The following PCDH15 variants were observed in gnomAD, a reference collection of about 807,000 sequenced individuals.
The protein encoded by PCDH15 is protocadherin-15.
A neutral mutation model predicts 178.5 loss-of-function variants in PCDH15; 129 were observed. The ratio of observed to expected loss-of-function variants is 0.72; its 90% confidence interval spans 0.63 to 0.84. The LOEUF (loss-of-function observed/expected upper bound fraction) is 0.84, where lower values mean the gene tolerates loss of function less well. Ranked by LOEUF, PCDH15 falls within the 40% of genes least tolerant of loss-of-function variation. PCDH15 has a pLI of 0.00. For synonymous variants in PCDH15, 800 were observed against 732.0 expected, an observed-to-expected ratio of 1.09 and a Z score of -1.50; for missense variants, 2,230 against 2,099.9, an observed-to-expected ratio of 1.06 and a Z score of -1.21.
At chr10:55,379,121 T>TATATATATATATATATATATATATATCA (rs953825079) in intron 2 of PCDH15, among the ~76,000 whole-genome samples, 3 of 151,540 alleles carry the variant, frequency 2.0e-5, no homozygotes, top group African/African-American at 7.3e-5. Flanking sequence ...TATATATATA[T>TATATATATATATATATATATATATATCA]ATGTATGTAT....
chr10:54,817,317 AAT>A (rs1340766646), intron 3 of PCDH15, among the ~76,000 whole-genome samples: 7 of 151,984 alleles, frequency 4.6e-5, no homozygotes, highest in Admixed American at 1.3e-4. Context: ...CTTAAAAATA[AAT>A]ATATGTTATT....
At chr10:54,059,827 C>T (rs2093977578) in intron 18 of PCDH15, among the ~76,000 whole-genome samples, 1 of 152,174 alleles carries the variant, frequency 6.6e-6, no homozygotes, top group African/African-American at 2.4e-5. Context: ...TAAGACCAAA[C>T]ATTTGAAAGT....
intron 2 of PCDH15, among the ~76,000 whole-genome samples, chr10:54,957,922 T>A (rs923607846): frequency 2.0e-5 from 3 of 151,618 alleles, no homozygotes; most frequent in Admixed American, 6.6e-5. Context: ...GACATAAATT[T>A]ACGAAAGCAA....
At chr10:55,463,547 C>T (rs1485369538) in intron 2 of PCDH15, among the ~76,000 whole-genome samples, 1 of 151,874 alleles carries the variant, frequency 6.6e-6, no homozygotes, top group Non-Finnish European at 1.5e-5. Flanking sequence ...TAAGAGATTA[C>T]AGAGAAAGGC....
intron 15 of PCDH15, among the ~76,000 whole-genome samples, chr10:54,129,410 A>AT (rs2133009117): frequency 6.6e-6 from 1 of 152,344 alleles, no homozygotes; most frequent in East Asian, 1.9e-4. Context: ...TTGTTATTAG[A>AT]AAAACATTTC....
chr10:55,154,037 T>C (rs1838810875), intron 2 of PCDH15, among the ~76,000 whole-genome samples: 1 of 152,178 alleles, frequency 6.6e-6, no homozygotes, highest in South Asian at 2.1e-4. Flanking sequence ...AATTACCATG[T>C]ACACGTTCAT....
At chr10:54,849,764 A>C (rs1233893429) in intron 3 of PCDH15, among the ~76,000 whole-genome samples, 1 of 152,170 alleles carries the variant, frequency 6.6e-6, no homozygotes, top group Non-Finnish European at 1.5e-5. Flanking sequence ...AATAGATTGG[A>C]ATCAAAATGA....
At chr10:54,884,095 C>A (rs937597723) in intron 3 of PCDH15, among the ~76,000 whole-genome samples, 6 of 151,920 alleles carry the variant, frequency 3.9e-5, no homozygotes, top group Non-Finnish European at 5.9e-5. Context: ...CAAAACGGTA[C>A]AACTGCACAC....
chr10:55,343,055 T>C (rs1373593433), intron 2 of PCDH15, among the ~76,000 whole-genome samples: 1 of 152,114 alleles, frequency 6.6e-6, no homozygotes, highest in Non-Finnish European at 1.5e-5. Context: ...CAGAAACCAA[T>C]ATGGGTCTCT....
At chr10:55,144,249 C>T (rs1838434843) in intron 2 of PCDH15, among the ~76,000 whole-genome samples, 1 of 142,432 alleles carries the variant, frequency 7.0e-6, no homozygotes, top group African/African-American at 2.6e-5. Context: ...ATGACAAATT[C>T]TACTCTTGTA....
At chr10:54,451,506 T>A (rs548558493) in intron 3 of PCDH15, among the ~76,000 whole-genome samples, 1 of 152,026 alleles carries the variant, frequency 6.6e-6, no homozygotes, top group South Asian at 2.1e-4. Context: ...AAACTAAAAA[T>A]TATTTTGTCA....
chr10:54,816,810 A>T (rs1952956650), intron 3 of PCDH15, among the ~76,000 whole-genome samples: 2 of 152,130 alleles, frequency 1.3e-5, no homozygotes, highest in South Asian at 4.1e-4. Flanking sequence ...TGAATTCTTA[A>T]GTAATGATGT....
chr10:54,304,185 AC>A (rs2060322063), intron 8 of PCDH15, among the ~76,000 whole-genome samples: 2 of 152,018 alleles, frequency 1.3e-5, no homozygotes, highest in South Asian at 4.1e-4. Flanking sequence ...TTATTTACTC[AC>A]CCATATCATT....
In PCDH15 at chr10:53,827,498, G is replaced by A. The variant is rs1329914600; in HGVS notation, c.4262C>T (p.Ala1421Val). The A allele has an allele frequency of 2.5e-6, 4 of 1,614,076 alleles. No individual in the cohort carries two copies. Among genetic ancestry groups the A allele is most frequent in the Admixed American group, 1.7e-5 (1 of 60,022 alleles). Reference protein sequence around the residue: ...KTARIQAALPAAKPAVPAPAP... With the variant: ...KTARIQAALPVAKPAVPAPAP... Reference sequence around the variant, plus strand: ...AGGAGCCGGCACTGCTGGTTTAGCCGCGGGTAATGCGGCCTGAATTCGTGC... The same window carrying A: ...AGGAGCCGGCACTGCTGGTTTAGCCACGGGTAATGCGGCCTGAATTCGTGC... Residue 1421 changes from alanine (A) to valine (V), a missense_variant, in exon 32 of 38, where the codon GCG (alanine) becomes GTG (valine). Coordinates refer to ENST00000644397, the MANE Select transcript of PCDH15 (RefSeq NM_001384140.1).
chr10:54,654,188 G>C (rs754190147), intron 2 of PCDH15, among the ~76,000 whole-genome samples: 1 of 152,138 alleles, frequency 6.6e-6, no homozygotes, highest in Admixed American at 6.5e-5. Context: ...ACCACATCCA[G>C]TGGACAGCAA....
intron 2 of PCDH15, among the ~76,000 whole-genome samples, chr10:55,609,453 A>T (rs568876861): frequency 6.6e-6 from 1 of 152,262 alleles, no homozygotes; most frequent in Admixed American, 6.5e-5. Context: ...GAAAATTTTT[A>T]ATAATCTGTA....
At chr10:54,170,420 T>C (rs2133606298) in intron 13 of PCDH15, among the ~76,000 whole-genome samples, 1 of 152,004 alleles carries the variant, frequency 6.6e-6, no homozygotes, top group Admixed American at 6.6e-5. Context: ...TGCCACTGCA[T>C]TAATACTTTT....
intron 25 of PCDH15, among the ~76,000 whole-genome samples, chr10:53,927,708 C>A (rs922280565): frequency 3.9e-5 from 6 of 152,080 alleles, no homozygotes; most frequent in Non-Finnish European, 8.8e-5. Flanking sequence ...ATACATCTTT[C>A]ATCTTCATAG....
chr10:53,866,780 T>G lies in PCDH15; in HGVS notation c.3579A>C (p.Glu1193Asp), dbSNP rs1564640040. The change falls in exon 27 of 38, where the codon GAA (glutamate) becomes GAC (aspartate). Residue 1193 changes from glutamate to aspartate, a missense_variant. Physicochemically the swap from Glu to Asp is conservative, Grantham distance 45. Coordinates refer to ENST00000644397, the MANE Select transcript of PCDH15 (RefSeq NM_001384140.1). The part of the protein sequence containing the change: ...LIIPPIKEGK[E>D]GFVVETYTGL... ...CTGTATATGTTTCCACTACAAATCC[T>G]TCTTTTCCCTCTTTAATTGGTGGTA... The G allele has an allele frequency of 6.2e-7, 1 of 1,613,540 alleles. No individual in the cohort carries two copies. The highest frequency in any genetic ancestry group is 2.2e-5 in the East Asian group (1 of 44,830).
Sources: allele counts gnomAD v4.1 joint callset (sites outside exome capture counted in the v4.1 genomes callset), GRCh38; gene constraint gnomAD v4.1.1; transcripts MANE v1.5; gene names NCBI Gene and HGNC (gene_info 2026-07-23, HGNC 2026-07-21).